COMMD1: variants seen among roughly 807,000 people sequenced by gnomAD.
COMMD1 encodes the protein COMM domain-containing protein 1.
COMMD1 carries 10 observed loss-of-function variants against 17.2 expected under a neutral mutation model. The observed-to-expected ratio is 0.58, with a 90% CI of 0.36 to 0.99. COMMD1 has a LOEUF of 0.99. Ranked by LOEUF, COMMD1 falls within the 50% of genes least tolerant of loss-of-function variation. The probability of loss-of-function intolerance (pLI) is 0.01; values close to 1 mark genes in which losing one functional copy is unlikely to be tolerated. For missense variants in COMMD1, 270 were observed against 231.8 expected (o/e 1.17, Z -1.07); for synonymous variants, 97 against 91.6 (o/e 1.06, Z -0.34).
At chr2:62,065,214 A>C (rs1266491894) in intron 2 of COMMD1, among the ~76,000 whole-genome samples, 1 of 152,128 alleles carries the variant, frequency 6.6e-6, no homozygotes, top group East Asian at 1.9e-4. Context: ...CTGGGTAAGT[A>C]GGCGATGAAG....
chr2:62,102,662 A>C (rs1306769503), intron 2 of COMMD1, among the ~76,000 whole-genome samples: 1 of 152,182 alleles, frequency 6.6e-6, no homozygotes, highest in Non-Finnish European at 1.5e-5. Flanking sequence ...CTCTTCCCCA[A>C]GGCAGGTCAT....
chr2:61,966,174 T>C (rs1209567045), intron 1 of COMMD1, among the ~76,000 whole-genome samples: 3 of 152,212 alleles, frequency 2.0e-5, no homozygotes, highest in Admixed American at 2.0e-4. Context: ...TGTACTCTTT[T>C]TTTTCCCATT....
intron 1 of COMMD1, among the ~76,000 whole-genome samples, chr2:61,921,558 C>G (rs577316147): frequency 4.6e-5 from 7 of 152,304 alleles, no homozygotes; most frequent in African/African-American, 1.7e-4. Context: ...ATTCTCCTGC[C>G]TCAGCCTCCC....
At chr2:61,952,817 T>A (rs1441356362) in intron 1 of COMMD1, among the ~76,000 whole-genome samples, 2 of 152,230 alleles carry the variant, frequency 1.3e-5, no homozygotes, top group Non-Finnish European at 2.9e-5. Context: ...TCTATGGATG[T>A]ATGCTTTCAG....
chr2:62,073,099 C>A (rs942278219), intron 2 of COMMD1, among the ~76,000 whole-genome samples: 9 of 152,326 alleles, frequency 5.9e-5, no homozygotes, highest in East Asian at 3.9e-4. Flanking sequence ...GGTTCCCACC[C>A]AGCAGCACAG....
chr2:61,936,098 C>T (rs1170029942), intron 1 of COMMD1, among the ~76,000 whole-genome samples: 1 of 152,120 alleles, frequency 6.6e-6, no homozygotes, highest in Admixed American at 6.6e-5. Flanking sequence ...GACACCATGC[C>T]CGGCCCAGCC....
At chr2:62,023,741 T>A (rs1358027331) in intron 2 of COMMD1, among the ~76,000 whole-genome samples, 1 of 152,190 alleles carries the variant, frequency 6.6e-6, no homozygotes, top group Non-Finnish European at 1.5e-5. Context: ...CGCCTTGGCC[T>A]CCCAAAGTGC....
chr2:62,122,562 A>C (rs1225631319), intron 2 of COMMD1, among the ~76,000 whole-genome samples: 1 of 151,960 alleles, frequency 6.6e-6, no homozygotes, highest in Non-Finnish European at 1.5e-5. Context: ...AATCTCTAGG[A>C]AAAAAAGAAT....
At chr2:62,104,549 A>C (rs978993466) in intron 2 of COMMD1, among the ~76,000 whole-genome samples, 1 of 147,492 alleles carries the variant, frequency 6.8e-6, no homozygotes, top group Non-Finnish European at 1.5e-5. Flanking sequence ...CAGGAGAATC[A>C]CTTGAAGCCA....
intron 1 of COMMD1, among the ~76,000 whole-genome samples, chr2:61,991,829 G>A (rs892517270): frequency 6.6e-6 from 1 of 152,042 alleles, no homozygotes; most frequent in Admixed American, 6.6e-5. Flanking sequence ...AGATAAGCAG[G>A]GCCTGTTGTG....
intron 2 of COMMD1, among the ~76,000 whole-genome samples, chr2:62,125,258 G>C (rs1307268255): frequency 2.0e-5 from 3 of 152,196 alleles, no homozygotes; most frequent in African/African-American, 7.2e-5. Context: ...GCACTGCTCT[G>C]TTCATTTATT....
At chr2:61,955,778 T>G (rs759959642) in intron 1 of COMMD1, among the ~76,000 whole-genome samples, 1 of 152,130 alleles carries the variant, frequency 6.6e-6, no homozygotes, top group Non-Finnish European at 1.5e-5. Context: ...CTCCGCCTCC[T>G]GGGTTCAAGT....
At chr2:62,085,652 A>G (rs1276540419) in intron 2 of COMMD1, among the ~76,000 whole-genome samples, 1 of 152,144 alleles carries the variant, frequency 6.6e-6, no homozygotes, top group Admixed American at 6.5e-5. Flanking sequence ...AGCCTGGGCA[A>G]TAGAGTGAGA....
At chr2:61,908,653 C>T (rs1316254176) in intron 1 of COMMD1, among the ~76,000 whole-genome samples, 4 of 151,658 alleles carry the variant, frequency 2.6e-5, no homozygotes, top group East Asian at 1.9e-4. Flanking sequence ...CTCTGCCTCC[C>T]GGATTCAAAC....
chr2:61,941,854 A>G (rs180893299), intron 1 of COMMD1, among the ~76,000 whole-genome samples: 270 of 152,312 alleles, frequency 1.8e-3, no homozygotes, highest in African/African-American at 5.4e-3. Context: ...ATACCAATCT[A>G]TGAAACAGAA....
intron 1 of COMMD1, among the ~76,000 whole-genome samples, chr2:61,906,400 T>A (rs1002563868): frequency 2.6e-5 from 4 of 152,280 alleles, no homozygotes; most frequent in Non-Finnish European, 5.9e-5. Context: ...AATATTTTAG[T>A]AATATATCTT....
chr2:62,090,540 A>T (rs1671797423), intron 2 of COMMD1, among the ~76,000 whole-genome samples: 1 of 152,236 alleles, frequency 6.6e-6, no homozygotes. Flanking sequence ...TTGTCACAGG[A>T]CTTGTTAACA....
intron 2 of COMMD1, among the ~76,000 whole-genome samples, chr2:62,115,308 C>T (rs1672561905): frequency 6.6e-6 from 1 of 152,232 alleles, no homozygotes; most frequent in Non-Finnish European, 1.5e-5. Flanking sequence ...CACACGCACA[C>T]ATAGTGTGCA....
At chr2:61,910,764 T>C (rs1669883563) in intron 1 of COMMD1, among the ~76,000 whole-genome samples, 1 of 152,158 alleles carries the variant, frequency 6.6e-6, no homozygotes, top group African/African-American at 2.4e-5. Flanking sequence ...GGTGATGATT[T>C]TGTATTTCCT....
Sources: gnomAD v4.1 joint callset for allele counts (sites outside exome capture counted in the v4.1 genomes callset) on GRCh38, gnomAD v4.1.1 for gene constraint, MANE v1.5 for transcripts, NCBI Gene and HGNC (gene_info 2026-07-23, HGNC 2026-07-21) for gene names.